Variants in CAPZB observed in about 807,000 individuals in gnomAD.
CAPZB encodes the protein F-actin-capping protein subunit beta.
In CAPZB, 2 loss-of-function variants were observed where a neutral mutation model predicts 38.1. The observed-to-expected ratio is 0.05, with a 90% confidence interval of 0.02 to 0.17. The LOEUF is 0.17. Ranked by LOEUF, CAPZB falls within the 10% of genes least tolerant of loss-of-function variation. The pLI, the probability that CAPZB is intolerant of heterozygous loss-of-function variation, is 1.00. For synonymous variants in CAPZB, 107 were observed against 127.4 expected, an observed-to-expected ratio of 0.84 and a Z score of 1.08; for missense variants, 161 against 334.2, an observed-to-expected ratio of 0.48 and a Z score of 4.04.
intron 1 of CAPZB, chr1:19,449,270 T>C: frequency 1.9e-6 from 2 of 1,061,056 alleles, no homozygotes; most frequent in South Asian, 3.6e-5. Context: ...AAAATTCCGA[T>C]GACAGCCAGA....
At chr1:19,433,824 A>G (rs1216732950) in intron 1 of CAPZB, among the ~76,000 whole-genome samples, 1 of 152,166 alleles carries the variant, frequency 6.6e-6, no homozygotes, top group African/African-American at 2.4e-5. Flanking sequence ...GGAAGACTCT[A>G]TCAAATCTCT....
intron 8 of CAPZB, among the ~76,000 whole-genome samples, chr1:19,342,275 G>A (rs960182381): frequency 6.6e-6 from 1 of 152,196 alleles, no homozygotes; most frequent in African/African-American, 2.4e-5. Context: ...AGAGAGTGAG[G>A]TCACCCCTTC....
rs1320450520 is a variant in CAPZB, at chr1:19,357,997, C to T, written c.330-434G>A. Among the ~76,000 whole-genome samples, 1 of 152,216 alleles carries T rather than the reference C, an allele frequency of 6.6e-6. No homozygotes were observed. Among genetic ancestry groups the T allele is most frequent in the Admixed American group, 6.5e-5 (1 of 15,286 alleles). The stretch of plus-strand genomic sequence containing the variant: ...AGAAAATACAGCAACAAACTCCCTA[C>T]ACCCTGATCCCTCCTGAGCCTGGCA... On this transcript the variant is annotated intron_variant, in intron 4 of 8. Transcript: ENST00000264202. The surrounding 1 kb of genome is among the most constrained non-coding windows in gnomAD (Gnocchi z 4.3).
At chr1:19,429,872 A>G (rs986460479) in intron 1 of CAPZB, among the ~76,000 whole-genome samples, 66 of 152,104 alleles carry the variant, frequency 4.3e-4, no homozygotes, top group African/African-American at 1.6e-3. Flanking sequence ...TGCCCTGAGT[A>G]CGACGGAGCA....
intron 1 of CAPZB, among the ~76,000 whole-genome samples, chr1:19,423,198 A>G (rs548345278): frequency 2.2e-4 from 33 of 152,352 alleles, no homozygotes; most frequent in Admixed American, 3.3e-4. Context: ...AGGATGTTTA[A>G]CTATCATTCA....
At chr1:19,474,181 A>C (rs541474857) in intron 1 of CAPZB, among the ~76,000 whole-genome samples, 4 of 152,044 alleles carry the variant, frequency 2.6e-5, no homozygotes, top group Admixed American at 2.0e-4. Flanking sequence ...TTTTTTGTAG[A>C]GACAGGATTT....
intron 1 of CAPZB, among the ~76,000 whole-genome samples, chr1:19,474,748 C>T (rs2094601167): frequency 2.6e-5 from 4 of 152,024 alleles, no homozygotes; most frequent in Admixed American, 1.3e-4. Flanking sequence ...GGGGGTCGTG[C>T]GGGTGACGAG....
chr1:19,422,479 AC>A (rs1454786852), intron 1 of CAPZB, among the ~76,000 whole-genome samples: 1 of 152,254 alleles, frequency 6.6e-6, no homozygotes, highest in East Asian at 1.9e-4. Context: ...TAATTTAAAG[AC>A]CACACATACA....
At chr1:19,484,274 G>A (rs751753440) in intron 1 of CAPZB, 1 of 1,611,766 alleles carries the variant, frequency 6.2e-7, no homozygotes, top group East Asian at 2.2e-5. Context: ...GCCTGCTTGG[G>A]TGCATCGTGT....
At chr1:19,366,554 G>A (rs2094089328) in intron 4 of CAPZB, among the ~76,000 whole-genome samples, 1 of 151,996 alleles carries the variant, frequency 6.6e-6, no homozygotes, top group Non-Finnish European at 1.5e-5. Context: ...CAGGCATGGT[G>A]GCAGGTGCTT....
intron 1 of CAPZB, among the ~76,000 whole-genome samples, chr1:19,481,910 C>T (rs2094630494): frequency 6.6e-6 from 1 of 152,190 alleles, no homozygotes; most frequent in Admixed American, 6.5e-5. Flanking sequence ...GCCATGAGGG[C>T]AGAGATCCTT....
intron 1 of CAPZB, among the ~76,000 whole-genome samples, chr1:19,481,784 T>C (rs2094629711): frequency 6.6e-6 from 1 of 152,268 alleles, no homozygotes; most frequent in East Asian, 1.9e-4. Context: ...AGCCCCCAGC[T>C]TTCTCTTCAG....
intron 6 of CAPZB, among the ~76,000 whole-genome samples, chr1:19,353,230 G>C (rs2094001520): frequency 1.3e-5 from 2 of 152,178 alleles, no homozygotes; most frequent in Non-Finnish European, 2.9e-5. Flanking sequence ...CTGTGGGCCT[G>C]GGGAGACAGC....
intron 1 of CAPZB, among the ~76,000 whole-genome samples, chr1:19,453,003 C>T (rs1167021477): frequency 6.6e-6 from 1 of 151,956 alleles, no homozygotes; most frequent in Non-Finnish European, 1.5e-5. Flanking sequence ...TACAGTTTCA[C>T]CATGCTGGCC....
chr1:19,430,384 C>T (rs1160082564), intron 1 of CAPZB, among the ~76,000 whole-genome samples: 1 of 152,182 alleles, frequency 6.6e-6, no homozygotes, highest in African/African-American at 2.4e-5. Flanking sequence ...TATACTTCCA[C>T]TGTAGTTTTT....
In CAPZB at chr1:19,356,880, G is replaced by C; in HGVS notation, c.472-129C>G. The stretch of plus-strand genomic sequence containing the variant: ...TATTACCTTTTTTTTTTTTAAATTG[G>C]AGACAAAGTCTCGCTCTGTCACCCA... On this transcript the variant is annotated intron_variant, in intron 5 of 8. Coordinates refer to ENST00000264202, the MANE Select transcript of CAPZB (RefSeq NM_004930.5). The surrounding 1 kb of genome is among the most constrained non-coding windows in gnomAD (Gnocchi z 4.3). 1 of 668,936 alleles carries C rather than the reference G, an allele frequency of 1.5e-6. No homozygotes were observed. The highest frequency in any genetic ancestry group is 2.6e-6 in the Non-Finnish European group (1 of 382,580). The allele number at this position is 668,936 out of a possible 1,614,324, so 41.4% of individuals were successfully genotyped here. A position where few individuals can be genotyped will look rare whatever the true frequency, so the allele number is the denominator to read the frequency against.
At position 19,381,871 on chromosome 1, in the gene CAPZB, TCAGAGA is replaced by T. The variant is rs2094176830; in HGVS notation, c.216-3224_216-3219del. On this transcript the variant is annotated intron_variant, in intron 3 of 8. Transcript: ENST00000264202. Reference sequence around the variant, plus strand: ...ATCAACAAAAGCCTCTCATCAGATCTCAGAGACAAAGATCCAGGTGAAAAGATGCTG... The same window carrying T: ...ATCAACAAAAGCCTCTCATCAGATCTCAAAGATCCAGGTGAAAAGATGCTG... Among the ~76,000 whole-genome samples, 16 of 152,050 alleles carry T rather than the reference TCAGAGA, an allele frequency of 1.1e-4. 1 individual carries two copies. The South Asian group carries it at 3.3e-3, about 32-fold the overall frequency.
intron 1 of CAPZB, among the ~76,000 whole-genome samples, chr1:19,443,697 A>G (rs548287868): frequency 2.1e-4 from 32 of 152,362 alleles, no homozygotes; most frequent in Admixed American, 2.0e-3. Flanking sequence ...GCACTGTGTC[A>G]GGTACTTTAC....
intron 7 of CAPZB, 129 bp downstream of exon 7, chr1:19,345,058 G>C: frequency 1.3e-6 from 1 of 744,538 alleles, no homozygotes; most frequent in South Asian, 1.6e-5. Context: ...CAAAATCCAA[G>C]AAGCGCTCTG....
Sources: allele counts gnomAD v4.1 joint callset (sites outside exome capture counted in the v4.1 genomes callset), GRCh38; gene constraint gnomAD v4.1.1; non-coding constraint Gnocchi (gnomAD v3.1); transcripts MANE v1.5; gene names NCBI Gene and HGNC (gene_info 2026-07-23, HGNC 2026-07-21).